ATXN1: variants seen among roughly 807,000 people sequenced by gnomAD.
The protein encoded by ATXN1 is ataxin-1.
Under a neutral mutation model 56.4 loss-of-function variants are expected in ATXN1, and 8 were observed. That is an observed-to-expected ratio of 0.14 (90% CI 0.08 to 0.26). The LOEUF (loss-of-function observed/expected upper bound fraction) is 0.26, where lower values mean the gene tolerates loss of function less well. Among genes scored for constraint, ATXN1 ranks in the 10% least tolerant of loss-of-function variants. The probability of loss-of-function intolerance (pLI) is 1.00; values close to 1 mark genes in which losing one functional copy is unlikely to be tolerated. For synonymous variants in ATXN1, 514 were observed against 494.6 expected (o/e 1.04, Z -0.52); for missense variants, 987 against 1,106.5 (o/e 0.89, Z 1.53).
Position 16,636,747 on chromosome 6 carries a change from AG to A in ATXN1, c.-489+21028del, listed in dbSNP as rs1168150335. Among the ~76,000 whole-genome samples the A allele has an allele frequency of 1.4e-4, 22 of 152,374 alleles. 1 individual carries two copies. The highest frequency in any genetic ancestry group is 5.3e-4 in the African/African-American group (22 of 41,592). On this transcript the variant is annotated intron_variant, in intron 3 of 7. Coordinates refer to ENST00000436367, the MANE Select transcript of ATXN1 (RefSeq NM_001128164.2). ...CAGGTCATAGCAGTGCTGTTTCAAC[AG>A]GAAATGTCATAGCTTGAATGCCAGG...
chr6:16,430,946 T>C (rs982740238), intron 6 of ATXN1, among the ~76,000 whole-genome samples: 2 of 152,186 alleles, frequency 1.3e-5, no homozygotes, highest in African/African-American at 4.8e-5. Flanking sequence ...GAAATGTGAA[T>C]GCATTTGAGA....
intron 4 of ATXN1, among the ~76,000 whole-genome samples, chr6:16,540,852 G>C (rs183588221): frequency 4.6e-5 from 7 of 152,106 alleles, no homozygotes; most frequent in Non-Finnish European, 2.9e-5. Flanking sequence ...GTTCAATACC[G>C]TGTTCATAGA....
At chr6:16,338,269 G>A (rs963000517) in intron 6 of ATXN1, among the ~76,000 whole-genome samples, 1 of 152,068 alleles carries the variant, frequency 6.6e-6, no homozygotes, top group African/African-American at 2.4e-5. Context: ...TGAGGCGGGC[G>A]GATTGCGAGG....
chr6:16,684,740 T>C (rs548140580), intron 2 of ATXN1, among the ~76,000 whole-genome samples: 2 of 152,314 alleles, frequency 1.3e-5, no homozygotes, highest in Admixed American at 1.3e-4. Context: ...CTAATAGAGA[T>C]AATGTATTCT....
At chr6:16,372,626 A>T (rs1226253477) in intron 6 of ATXN1, among the ~76,000 whole-genome samples, 2 of 152,116 alleles carry the variant, frequency 1.3e-5, no homozygotes, top group Non-Finnish European at 2.9e-5. Flanking sequence ...TTAAAACATG[A>T]CTGTGGGCTG....
At chr6:16,729,303 G>A (rs767226730) in intron 2 of ATXN1, among the ~76,000 whole-genome samples, 25 of 152,320 alleles carry the variant, frequency 1.6e-4, no homozygotes, top group Non-Finnish European at 2.8e-4. Flanking sequence ...TGGGGTGAGC[G>A]GTAAATGAAT....
At chr6:16,526,931 T>C (rs534041691) in intron 4 of ATXN1, among the ~76,000 whole-genome samples, 2 of 151,826 alleles carry the variant, frequency 1.3e-5, no homozygotes, top group South Asian at 2.1e-4. Flanking sequence ...ATGGTAGAGT[T>C]ACTTAATGAT....
chr6:16,327,024 T>C lies in ATXN1; in HGVS notation c.1287A>G (p.Ser429=). 2 of 1,613,250 alleles carry C rather than the reference T, an allele frequency of 1.2e-6. No homozygotes were observed. Among genetic ancestry groups the C allele is most frequent in the South Asian group, 2.2e-5 (2 of 91,010 alleles). Residue 429 remains serine, a synonymous_variant, in exon 7 of 8, where the codon TCA becomes TCG. Transcript: ENST00000436367. ...GKPGHRSYAL[S]PHTVIQTTHS... is the part of the protein sequence containing the mutation. ...GTGTGGTCTGAATGACCGTGTGGGGTGAGAGCGCGTAGGACCGGTGGCCAG... is the reference window on the plus strand; with the variant it reads ...GTGTGGTCTGAATGACCGTGTGGGGCGAGAGCGCGTAGGACCGGTGGCCAG...
chr6:16,554,152 G>A (rs952691111), intron 4 of ATXN1, among the ~76,000 whole-genome samples: 2 of 152,032 alleles, frequency 1.3e-5, no homozygotes, highest in East Asian at 3.9e-4. Context: ...TGTAATCGAG[G>A]GACAAAAATA....
intron 7 of ATXN1, among the ~76,000 whole-genome samples, chr6:16,325,920 A>G (rs1421165350): frequency 6.6e-6 from 1 of 152,010 alleles, no homozygotes; most frequent in African/African-American, 2.4e-5. Context: ...GGCATATACC[A>G]CTGTACCCAG....
chr6:16,378,537 C>CTTTA (rs71535078), intron 6 of ATXN1, among the ~76,000 whole-genome samples: 22,125 of 146,686 alleles, frequency 0.15, 1,893 homozygotes, highest in East Asian at 0.36. Context: ...CCTCTCTTGA[C>CTTTA]TTTATTTATT....
intron 3 of ATXN1, among the ~76,000 whole-genome samples, chr6:16,607,088 A>ACGTTGGTCAGGCTG (rs11272204): frequency 6.6e-6 from 1 of 151,932 alleles, no homozygotes; most frequent in East Asian, 1.9e-4. Context: ...GGGTTTCACC[A>ACGTTGGTCAGGCTG]GTTTAAAACT....
At chr6:16,427,765 G>A (rs963215379) in intron 6 of ATXN1, among the ~76,000 whole-genome samples, 1 of 152,172 alleles carries the variant, frequency 6.6e-6, no homozygotes, top group Non-Finnish European at 1.5e-5. Context: ...GTGCACACAG[G>A]CACATGCCTC....
chr6:16,377,071 C>A lies in ATXN1; in HGVS notation c.-160-48601G>T, dbSNP rs558706170. 1.3e-5 allele frequency among the ~76,000 whole-genome samples: 2 copies of A among 152,190 alleles called. 1 individual carries two copies. Among genetic ancestry groups the A allele is most frequent in the South Asian group, 4.2e-4 (2 of 4,818 alleles). On this transcript the variant is annotated intron_variant, in intron 6 of 7. Coordinates refer to ENST00000436367, the MANE Select transcript of ATXN1 (RefSeq NM_001128164.2). ...GGATTAGTGCCCATCTATAAGGGAC[C>A]CCAGAGAGCGACCTTGCTCCTTCCA...
intron 6 of ATXN1, among the ~76,000 whole-genome samples, chr6:16,438,102 C>T (rs116425793): frequency 0.022 from 3,361 of 152,320 alleles, 51 homozygotes; most frequent in Middle Eastern, 0.048. Context: ...GTTCACAGTA[C>T]GGTTCACTTT....
intron 6 of ATXN1, among the ~76,000 whole-genome samples, chr6:16,386,280 A>G (rs544376534): frequency 1.3e-5 from 2 of 152,296 alleles, no homozygotes; most frequent in East Asian, 3.9e-4. Flanking sequence ...TTTGAACAAG[A>G]TCTACATCGC....
intron 6 of ATXN1, among the ~76,000 whole-genome samples, chr6:16,350,607 CTT>C (rs111884236): frequency 6.6e-6 from 1 of 152,142 alleles, no homozygotes; most frequent in Non-Finnish European, 1.5e-5. Context: ...TGAAGTCTCT[CTT>C]TTTCCCATAT....
intron 4 of ATXN1, among the ~76,000 whole-genome samples, chr6:16,568,889 G>A (rs1762279044): frequency 6.6e-6 from 1 of 152,160 alleles, no homozygotes; most frequent in Non-Finnish European, 1.5e-5. Flanking sequence ...TTGAGAGAGA[G>A]GAATGGGGAC....
intron 5 of ATXN1, among the ~76,000 whole-genome samples, chr6:16,511,429 T>C (rs1273860795): frequency 6.6e-6 from 1 of 152,206 alleles, no homozygotes; most frequent in Non-Finnish European, 1.5e-5. Context: ...AAACTCTTTT[T>C]ATGTTTTAAC....
Sources: allele counts gnomAD v4.1 joint callset (sites outside exome capture counted in the v4.1 genomes callset), GRCh38; gene constraint gnomAD v4.1.1; transcripts MANE v1.5; gene names NCBI Gene and HGNC (gene_info 2026-07-23, HGNC 2026-07-21).